CDH13: variants seen among roughly 807,000 people sequenced by gnomAD.
The protein encoded by CDH13 is cadherin 13.
Under a neutral mutation model 63.8 loss-of-function variants are expected in CDH13, and 24 were observed. The ratio of observed to expected loss-of-function variants is 0.38; its 90% CI spans 0.27 to 0.53. The LOEUF (loss-of-function observed/expected upper bound fraction) is 0.53. Among genes scored for constraint, CDH13 ranks in the 20% least tolerant of loss-of-function variants. The probability of loss-of-function intolerance (pLI) is 0.85; values close to 1 mark genes in which losing one functional copy is unlikely to be tolerated. For synonymous variants in CDH13, 503 were observed against 355.3 expected, an observed-to-expected ratio of 1.42 and a Z score of -4.67; for missense variants, 1,049 against 903.1, an observed-to-expected ratio of 1.16 and a Z score of -2.07.
In CDH13 at chr16:82,644,924, A is replaced by G. The variant is rs1909906649; in HGVS notation, c.45+17787A>G. 6.6e-6 allele frequency among the ~76,000 whole-genome samples: 1 copy of G among 152,210 alleles called. No individual in the cohort carries two copies. Among genetic ancestry groups the G allele is most frequent in the African/African-American group, 2.4e-5 (1 of 41,462 alleles). The stretch of plus-strand genomic sequence containing the variant: ...TGGGGAAAAAAAATTAGGGGAATCA[A>G]AAAATTACTTGTATAAACTAATATT... On this transcript the variant is annotated intron_variant, in intron 1 of 13. Transcript: ENST00000567109. This position sits in a 1 kb window ranked among gnomAD's most constrained non-coding sequence, Gnocchi z 5.7.
At chr16:82,870,394 C>G (rs889011382) in intron 2 of CDH13, among the ~76,000 whole-genome samples, 2 of 152,000 alleles carry the variant, frequency 1.3e-5, no homozygotes, top group African/African-American at 4.8e-5. Flanking sequence ...AGCCACTATG[C>G]AGAACACTAT....
chr16:82,963,086 A>G (rs577267038), intron 2 of CDH13, among the ~76,000 whole-genome samples: 3 of 152,114 alleles, frequency 2.0e-5, no homozygotes, highest in Non-Finnish European at 4.4e-5. Context: ...TGTTAAAGAA[A>G]CAGGCCAGGT....
chr16:82,902,073 G>C (rs986795947), intron 2 of CDH13, among the ~76,000 whole-genome samples: 1 of 152,102 alleles, frequency 6.6e-6, no homozygotes, highest in Admixed American at 6.5e-5. Context: ...TCAAAACTTG[G>C]GCTGTTTGCC....
Position 83,670,825 on chromosome 16 carries a change from T to C in CDH13, c.1137T>C (p.Val379=). The C allele has an allele frequency of 6.2e-7, 1 of 1,613,968 alleles. No individual in the cohort carries two copies. The highest frequency in any genetic ancestry group is 1.1e-5 in the South Asian group (1 of 91,080). ...CAGTCGAGGAAGGAGCTGTGGGAGT[T>C]ATTGTCAATTTGACAGTTGAAGATA... ...QATVEEGAVG[V]IVNLTVEDKD... is the part of the protein sequence containing the mutation. The change falls in exon 9 of 14, where the codon GTT becomes GTC. Residue 379 remains valine (V), a synonymous_variant. Transcript: ENST00000567109.
intron 5 of CDH13, among the ~76,000 whole-genome samples, chr16:83,237,586 A>T (rs993412465): frequency 1.3e-5 from 2 of 152,266 alleles, no homozygotes; most frequent in South Asian, 2.1e-4. Flanking sequence ...AAATAGCTGC[A>T]TTTGGCTGAT....
intron 10 of CDH13, chr16:83,726,188 T>C (rs573343509): frequency 2.0e-5 from 3 of 152,338 alleles, no homozygotes; most frequent in East Asian, 1.9e-4. Context: ...TTTGGAAAGA[T>C]TGTCATAATG....
chr16:83,147,637 G>A (rs550419993), intron 4 of CDH13, among the ~76,000 whole-genome samples: 1 of 152,258 alleles, frequency 6.6e-6, no homozygotes, highest in South Asian at 2.1e-4. Flanking sequence ...TCCAGAGTCA[G>A]AGTGGGCTTT....
chr16:82,666,581 C>G (rs755206902), intron 1 of CDH13, among the ~76,000 whole-genome samples: 1 of 152,196 alleles, frequency 6.6e-6, no homozygotes, highest in East Asian at 1.9e-4. Context: ...TCTGGGATGT[C>G]TGACATAACA....
intron 5 of CDH13, among the ~76,000 whole-genome samples, chr16:83,258,299 T>G (rs760468960): frequency 5.9e-5 from 9 of 152,234 alleles, no homozygotes; most frequent in Admixed American, 1.3e-4. Context: ...ATATTCTATG[T>G]GAAATTGCAG....
intron 10 of CDH13, among the ~76,000 whole-genome samples, chr16:83,744,942 C>T (rs1912430387): frequency 6.6e-6 from 1 of 152,192 alleles, no homozygotes; most frequent in South Asian, 2.1e-4. Context: ...GACAGCAGGC[C>T]TTGGCACCAG....
At chr16:83,046,125 C>CT (rs551945218) in intron 3 of CDH13, among the ~76,000 whole-genome samples, 1 of 152,132 alleles carries the variant, frequency 6.6e-6, no homozygotes, top group Non-Finnish European at 1.5e-5. Context: ...TTGATGTTGT[C>CT]TTTTTTTGAT....
At chr16:83,726,682 A>T (rs1910430109) in intron 10 of CDH13, among the ~76,000 whole-genome samples, 2 of 152,090 alleles carry the variant, frequency 1.3e-5, no homozygotes, top group Admixed American at 1.3e-4. Flanking sequence ...AAAAATACAA[A>T]AAAAAATTAG....
intron 2 of CDH13, among the ~76,000 whole-genome samples, chr16:82,972,083 T>A (rs1441687362): frequency 1.3e-5 from 2 of 152,010 alleles, no homozygotes; most frequent in Admixed American, 1.3e-4. Context: ...CAGAAGAGAG[T>A]CTACCCAAGT....
intron 3 of CDH13, among the ~76,000 whole-genome samples, chr16:83,073,059 G>T (rs567901161): frequency 1.3e-5 from 2 of 152,324 alleles, no homozygotes; most frequent in South Asian, 2.1e-4. Context: ...GTTGAGTCCA[G>T]CACTGTGCTG....
chr16:82,655,179 G>GGC (rs1472687288), intron 1 of CDH13, among the ~76,000 whole-genome samples: 1 of 152,222 alleles, frequency 6.6e-6, no homozygotes, highest in African/African-American at 2.4e-5. Context: ...AATAGCAATG[G>GGC]GCACAACCAG....
intron 5 of CDH13, among the ~76,000 whole-genome samples, chr16:83,222,607 A>G (rs927385264): frequency 6.6e-6 from 1 of 151,884 alleles, no homozygotes; most frequent in African/African-American, 2.4e-5. Context: ...CTTGGAAAGG[A>G]CCCCAGCCCT....
chr16:83,028,939 G>A (rs561890164), intron 2 of CDH13, among the ~76,000 whole-genome samples: 1 of 152,272 alleles, frequency 6.6e-6, no homozygotes, highest in South Asian at 2.1e-4. Context: ...CAGGCAAATG[G>A]TCCAGGGTTC....
intron 2 of CDH13, among the ~76,000 whole-genome samples, chr16:82,947,466 T>C (rs1904857873): frequency 6.6e-6 from 1 of 152,208 alleles, no homozygotes; most frequent in African/African-American, 2.4e-5. Flanking sequence ...ACTTCTGTGT[T>C]AACTACGATA....
chr16:83,201,901 C>T (rs868241375), intron 4 of CDH13, among the ~76,000 whole-genome samples: 14 of 151,936 alleles, frequency 9.2e-5, no homozygotes, highest in Non-Finnish European at 1.2e-4. Context: ...GGCAACAGAG[C>T]GAGACTCTGT....
Sources: gnomAD v4.1 joint callset for allele counts (sites outside exome capture counted in the v4.1 genomes callset) on GRCh38, gnomAD v4.1.1 for gene constraint, Gnocchi (gnomAD v3.1) non-coding constraint, MANE v1.5 for transcripts, NCBI Gene and HGNC (gene_info 2026-07-23, HGNC 2026-07-21) for gene names.